The following ZNF438 variants were observed in gnomAD, a reference collection of about 807,000 sequenced individuals.
ZNF438 encodes the protein zinc finger protein 438.
A neutral mutation model predicts 38.0 loss-of-function variants in ZNF438; 25 were observed. The observed-to-expected ratio is 0.66, with a 90% CI of 0.48 to 0.92. The LOEUF (loss-of-function observed/expected upper bound fraction) is 0.92. Among genes scored for constraint, ZNF438 ranks in the 40% least tolerant of loss-of-function variants. The probability of loss-of-function intolerance (pLI) is 0.00; values close to 1 mark genes in which losing one functional copy is unlikely to be tolerated. For synonymous variants in ZNF438, 372 were observed against 364.1 expected, an observed-to-expected ratio of 1.02 and a Z score of -0.25; for missense variants, 1,007 against 999.6, an observed-to-expected ratio of 1.01 and a Z score of -0.10.
chr10:30,928,036 C>T (rs1390275146), intron 2 of ZNF438, among the ~76,000 whole-genome samples: 1 of 152,130 alleles, frequency 6.6e-6, no homozygotes, highest in African/African-American at 2.4e-5. Context: ...GGTCTCCGTA[C>T]AATAAGGAAT....
At chr10:30,884,372 T>G (rs1356813527) in intron 3 of ZNF438, among the ~76,000 whole-genome samples, 4 of 152,162 alleles carry the variant, frequency 2.6e-5, no homozygotes, top group Non-Finnish European at 5.9e-5. Flanking sequence ...GACTGGATAA[T>G]AATATAAATA....
At chr10:30,870,865 G>A (rs1271274444) in intron 4 of ZNF438, among the ~76,000 whole-genome samples, 2 of 152,088 alleles carry the variant, frequency 1.3e-5, no homozygotes, top group Admixed American at 6.5e-5. Flanking sequence ...GTTACAGGAT[G>A]AGAATTACTA....
rs73252674 is a variant in ZNF438, at chr10:30,962,888, C to T, written c.-191-21237G>A. On this transcript the variant is annotated intron_variant, in intron 1 of 5. Coordinates refer to ENST00000413025, the Ensembl canonical transcript of ZNF438. ...TTTACTGTTTTGGAAAAACTGGTTT[C>T]GTTTCTGTGTGGCATTATTTTTCCT... is the stretch of plus-strand genomic sequence containing the variant. Among the ~76,000 whole-genome samples the T allele has an allele frequency of 2.0e-3, 305 of 152,168 alleles. 1 individual carries two copies. The highest frequency in any genetic ancestry group is 6.8e-3 in the African/African-American group (283 of 41,508).
rs561438442 is a variant in ZNF438, at chr10:31,019,164, G to A, written c.-192+12669C>T. Reference sequence around the variant, plus strand: ...GTCATCAGAGTTTCTTTAAAGGCACGGTTCAGACAATGGCACCCTCTGTTC... The same window carrying A: ...GTCATCAGAGTTTCTTTAAAGGCACAGTTCAGACAATGGCACCCTCTGTTC... On this transcript the variant is annotated intron_variant, in intron 1 of 5. Coordinates refer to ENST00000413025, the Ensembl canonical transcript of ZNF438. 3.9e-5 allele frequency among the ~76,000 whole-genome samples: 6 copies of A among 152,194 alleles called. No homozygotes were observed. The South Asian group carries it at 1.0e-3, about 26-fold the overall frequency.
In ZNF438 at chr10:31,030,353, G is replaced by A. The variant is rs189841718; in HGVS notation, c.-192+1480C>T. 5.3e-5 allele frequency among the ~76,000 whole-genome samples: 8 copies of A among 152,312 alleles called. No homozygotes were observed. The East Asian group carries it at 1.5e-3, about 29-fold the overall frequency. ...CGTTGTCTATTTCCCACTGCAATATGAGCCCTGCTAGGTTGGAGGCTGTCT... is the reference window on the plus strand; with the variant it reads ...CGTTGTCTATTTCCCACTGCAATATAAGCCCTGCTAGGTTGGAGGCTGTCT... On this transcript the variant is annotated intron_variant, in intron 1 of 5. Coordinates refer to ENST00000413025, the Ensembl canonical transcript of ZNF438.
At chr10:30,897,632 T>C (rs892201085) in intron 3 of ZNF438, among the ~76,000 whole-genome samples, 1 of 152,190 alleles carries the variant, frequency 6.6e-6, no homozygotes, top group African/African-American at 2.4e-5. Flanking sequence ...CAGATTACAA[T>C]CATCAGATGA....
chr10:30,967,592 C>G, intron 1 of ZNF438, among the ~76,000 whole-genome samples: 1 of 152,146 alleles, frequency 6.6e-6, no homozygotes, highest in East Asian at 1.9e-4. Context: ...ACAAAATTAA[C>G]CTGACAACAA....
intron 3 of ZNF438, among the ~76,000 whole-genome samples, chr10:30,896,549 G>A (rs11813957): frequency 0.031 from 4,784 of 152,098 alleles, 241 homozygotes; most frequent in African/African-American, 0.11. Context: ...AAATAAGCCC[G>A]TCAGAAAAGG....
intron 2 of ZNF438, among the ~76,000 whole-genome samples, chr10:30,923,134 A>C (rs2135021318): frequency 6.6e-6 from 1 of 152,342 alleles, no homozygotes; most frequent in African/African-American, 2.4e-5. Flanking sequence ...ATTATTAAAT[A>C]ATCTGTAGAT....
In ZNF438 at chr10:30,859,987, T is replaced by C. The variant is rs183587985; in HGVS notation, c.38-9620A>G. Among the ~76,000 whole-genome samples, 849 of 152,312 alleles carry C rather than the reference T, an allele frequency of 5.6e-3. 12 individuals are homozygous for C. The highest frequency in any genetic ancestry group is 6.2e-3 in the Non-Finnish European group (425 of 68,032). On this transcript the variant is annotated intron_variant, in intron 4 of 5. Transcript: ENST00000413025. Reference sequence around the variant, plus strand: ...AGAAGCAAAAATCTCTCTGCCCTTCTGTCCCTGGCCCTTCATTTTCCCCCC... The same window carrying C: ...AGAAGCAAAAATCTCTCTGCCCTTCCGTCCCTGGCCCTTCATTTTCCCCCC...
At chr10:30,884,045 C>A (rs547799017) in intron 3 of ZNF438, among the ~76,000 whole-genome samples, 2 of 152,100 alleles carry the variant, frequency 1.3e-5, no homozygotes, top group Non-Finnish European at 2.9e-5. Flanking sequence ...AGTGATATTA[C>A]AAAGTTTCCC....
At chr10:30,888,889 C>T (rs1269977373) in intron 3 of ZNF438, among the ~76,000 whole-genome samples, 1 of 152,156 alleles carries the variant, frequency 6.6e-6, no homozygotes, top group Non-Finnish European at 1.5e-5. Flanking sequence ...GGTTTATACC[C>T]AGTGATGGGA....
intron 1 of ZNF438, among the ~76,000 whole-genome samples, chr10:30,949,652 G>A (rs1021720852): frequency 1.2e-4 from 18 of 152,116 alleles, no homozygotes; most frequent in Admixed American, 5.2e-4. Flanking sequence ...AAGAGACAAG[G>A]CCATTACATA....
rs566052161 is a variant in ZNF438 at position 30,983,692 on chromosome 10, G to A, written c.-191-42041C>T. ...CTATAGCCATGTATTTCCTTGAATCGTTTTTATGTAATCTGGATTTTTCAA... is the reference window on the plus strand; with the variant it reads ...CTATAGCCATGTATTTCCTTGAATCATTTTTATGTAATCTGGATTTTTCAA... On this transcript the variant is annotated intron_variant, in intron 1 of 5. Coordinates refer to ENST00000413025, the Ensembl canonical transcript of ZNF438. 6.2e-4 allele frequency among the ~76,000 whole-genome samples: 94 copies of A among 152,124 alleles called. No homozygotes were observed. In the Middle Eastern group the frequency reaches 0.01, roughly 17 times the overall value.
At chr10:30,940,558 C>T (rs2046711543) in intron 2 of ZNF438, among the ~76,000 whole-genome samples, 1 of 152,108 alleles carries the variant, frequency 6.6e-6, no homozygotes, top group Non-Finnish European at 1.5e-5. Flanking sequence ...AGGAAAAGCC[C>T]AGTTGGCTCA....
At chr10:30,871,053 A>G (rs1195623595) in intron 4 of ZNF438, among the ~76,000 whole-genome samples, 2 of 152,210 alleles carry the variant, frequency 1.3e-5, no homozygotes, top group African/African-American at 4.8e-5. Flanking sequence ...AGAGCTTAAG[A>G]AAATAGCTTT....
chr10:30,850,367 C>G (rs752744690), exon 5 of ZNF438: 2 of 1,608,348 alleles, frequency 1.2e-6, no homozygotes, highest in African/African-American at 2.7e-5. Flanking sequence ...GTTTGATTCA[C>G]CTGCAATGAC....
intron 1 of ZNF438, among the ~76,000 whole-genome samples, chr10:30,944,404 G>A (rs184303785): frequency 9.3e-4 from 142 of 152,188 alleles, no homozygotes; most frequent in African/African-American, 3.2e-3. Context: ...AGAGTTCAGA[G>A]GTAAGAATAA....
intron 1 of ZNF438, among the ~76,000 whole-genome samples, chr10:30,972,568 G>T (rs1423333089): frequency 6.6e-6 from 1 of 152,114 alleles, no homozygotes; most frequent in Non-Finnish European, 1.5e-5. Context: ...GCAAATAGTG[G>T]GCCTTTTGTG....
Sources: allele counts gnomAD v4.1 joint callset (sites outside exome capture counted in the v4.1 genomes callset), GRCh38; gene constraint gnomAD v4.1.1; transcripts MANE v1.5; gene names NCBI Gene and HGNC (gene_info 2026-07-23, HGNC 2026-07-21).